The following ULK4 variants were observed in gnomAD, a reference collection of about 807,000 sequenced individuals.
ULK4 encodes the protein unc-51 like kinase 4, also known as inactive serine/threonine-protein kinase ULK4.
In ULK4, 133 loss-of-function variants were observed where a neutral mutation model predicts 160.6. That is an observed-to-expected ratio of 0.83 (90% confidence interval 0.72 to 0.96). ULK4 has a LOEUF of 0.96. ULK4 is among the 40% of genes least tolerant of loss of function. ULK4 has a pLI of 0.00. For synonymous variants in ULK4, 534 were observed against 539.8 expected (o/e 0.99, Z 0.15); for missense variants, 1,580 against 1,499.5 (o/e 1.05, Z -0.89).
intron 34 of ULK4, among the ~76,000 whole-genome samples, chr3:41,441,899 C>T (rs1243407988): frequency 1.3e-5 from 2 of 152,110 alleles, no homozygotes; most frequent in East Asian, 1.9e-4. Context: ...GATTGACTAT[C>T]GTATCATTAG....
chr3:41,557,503 T>C (rs936654678), intron 32 of ULK4, among the ~76,000 whole-genome samples: 1 of 151,908 alleles, frequency 6.6e-6, no homozygotes, highest in Admixed American at 6.6e-5. Flanking sequence ...GGCTCACACC[T>C]GTAATACCAA....
intron 34 of ULK4, among the ~76,000 whole-genome samples, chr3:41,414,675 C>T (rs1167782617): frequency 2.0e-5 from 3 of 152,152 alleles, no homozygotes; most frequent in African/African-American, 7.2e-5. Flanking sequence ...CAAAAGATTT[C>T]CCATTAGGCC....
chr3:41,387,407 T>C (rs577354019), intron 35 of ULK4, among the ~76,000 whole-genome samples: 45 of 152,258 alleles, frequency 3.0e-4, no homozygotes, highest in South Asian at 1.0e-3. Context: ...AGTTTTAGGG[T>C]ACATGTGCAC....
intron 35 of ULK4, among the ~76,000 whole-genome samples, chr3:41,291,362 AAAAGT>A (rs998387286): frequency 2.0e-5 from 2 of 100,180 alleles, no homozygotes; most frequent in East Asian, 5.8e-4. Flanking sequence ...AAGAGAAAGA[AAAAGT>A]AAAGAAGAAA....
chr3:41,253,718 C>A (rs1485128274), intron 35 of ULK4, among the ~76,000 whole-genome samples: 1 of 152,082 alleles, frequency 6.6e-6, no homozygotes, highest in Non-Finnish European at 1.5e-5. Flanking sequence ...AGTAAGAAAT[C>A]TCCTGAATGA....
chr3:41,930,410 A>G (rs1000473390), intron 5 of ULK4, among the ~76,000 whole-genome samples: 3 of 152,224 alleles, frequency 2.0e-5, no homozygotes, highest in Admixed American at 2.0e-4. Context: ...AGGCAATACC[A>G]TTCAGGATAT....
intron 17 of ULK4, among the ~76,000 whole-genome samples, chr3:41,872,135 C>T (rs1391977593): frequency 5.9e-5 from 9 of 152,192 alleles, no homozygotes; most frequent in Non-Finnish European, 1.2e-4. Context: ...GTACAGGACG[C>T]TCAGTCCTAA....
rs1000002155 is a variant in ULK4, at chr3:41,790,951, C to T, written c.2011-1108G>A. Among the ~76,000 whole-genome samples, 51 of 152,058 alleles carry T rather than the reference C, an allele frequency of 3.4e-4. 2 individuals are homozygous for T. The highest frequency in any genetic ancestry group is 5.9e-5 in the Non-Finnish European group (4 of 68,002). On this transcript the variant is annotated intron_variant, in intron 20 of 36. Transcript: ENST00000301831. ...TACTCATTATAATATCATATAAGCT[C>T]CTTCTCCCTGATTTATATTTTAAAC...
At position 41,340,985 on chromosome 3, in the gene ULK4, G is replaced by A. The variant is rs550692443; in HGVS notation, c.3678+57094C>T. Among the ~76,000 whole-genome samples, 77 of 152,274 alleles carry A rather than the reference G, an allele frequency of 5.1e-4. No homozygotes were observed. In the South Asian group the frequency reaches 0.016, roughly 31 times the overall value. ...AGGAGACGAACATATGTACAAACAG[G>A]ATATCTGAGGATGGGGGTAAGAGAA... is the stretch of plus-strand genomic sequence containing the variant. On this transcript the variant is annotated intron_variant, in intron 35 of 36. Transcript: ENST00000301831.
At chr3:41,428,055 G>A (rs779485069) in intron 34 of ULK4, among the ~76,000 whole-genome samples, 1 of 152,116 alleles carries the variant, frequency 6.6e-6, no homozygotes, top group African/African-American at 2.4e-5. Flanking sequence ...AAGCTGATAA[G>A]CAACTTCAGC....
intron 32 of ULK4, among the ~76,000 whole-genome samples, chr3:41,494,369 A>G (rs1172074142): frequency 7.5e-6 from 1 of 133,520 alleles, no homozygotes; most frequent in East Asian, 2.0e-4. Flanking sequence ...GCCTTTGACA[A>G]AATTCAACAG....
chr3:41,735,687 TTTATTATTA>T (rs10652302), intron 22 of ULK4, among the ~76,000 whole-genome samples: 1 of 144,494 alleles, frequency 6.9e-6, no homozygotes, highest in Non-Finnish European at 1.5e-5. Flanking sequence ...CTAAGTCCAT[TTTATTATTA>T]TTATTATTAT....
rs115940571 is a variant in ULK4, at chr3:41,834,482, T to C, written c.1764+1382A>G. On this transcript the variant is annotated intron_variant, in intron 18 of 36. Coordinates refer to ENST00000301831, the MANE Select transcript of ULK4 (RefSeq NM_017886.4). Reference sequence around the variant, plus strand: ...TTTTAAAAACAGATGATTTGCAGAATTGGACAAGCTGATTCTAAAATTTAT... The same window carrying C: ...TTTTAAAAACAGATGATTTGCAGAACTGGACAAGCTGATTCTAAAATTTAT... 2.6e-3 allele frequency among the ~76,000 whole-genome samples: 395 copies of C among 152,302 alleles called. 2 individuals are homozygous for C. The highest frequency in any genetic ancestry group is 8.5e-3 in the African/African-American group (352 of 41,568).
chr3:41,762,569 TAG>T (rs1205634147), intron 21 of ULK4, among the ~76,000 whole-genome samples: 1 of 151,638 alleles, frequency 6.6e-6, no homozygotes, highest in Non-Finnish European at 1.5e-5. Flanking sequence ...TCAGGAAACT[TAG>T]AGTCATGGTA....
chr3:41,611,133 C>G (rs2032654936), intron 31 of ULK4, among the ~76,000 whole-genome samples: 1 of 152,210 alleles, frequency 6.6e-6, no homozygotes, highest in South Asian at 2.1e-4. Context: ...CAGGAACCCG[C>G]ATTTATTAAA....
intron 35 of ULK4, among the ~76,000 whole-genome samples, chr3:41,388,030 C>A (rs1296741522): frequency 6.6e-6 from 1 of 152,182 alleles, no homozygotes; most frequent in Admixed American, 6.5e-5. Flanking sequence ...TCCTCTCCAG[C>A]ACCTGTTGTT....
At chr3:41,314,490 T>C (rs1031630799) in intron 35 of ULK4, among the ~76,000 whole-genome samples, 1 of 152,212 alleles carries the variant, frequency 6.6e-6, no homozygotes, top group Non-Finnish European at 1.5e-5. Context: ...CTTAGTATAG[T>C]GTAGGCTACT....
intron 32 of ULK4, among the ~76,000 whole-genome samples, chr3:41,536,960 G>A (rs1042130501): frequency 6.6e-5 from 10 of 152,152 alleles, no homozygotes; most frequent in Admixed American, 5.9e-4. Flanking sequence ...ATAAATCCAT[G>A]TTGTAAAAGC....
chr3:41,545,608 T>C (rs537888714), intron 32 of ULK4, among the ~76,000 whole-genome samples: 22 of 152,322 alleles, frequency 1.4e-4, no homozygotes, highest in African/African-American at 5.3e-4. Context: ...AGGTGAATTT[T>C]GCTTGCTTTT....
Sources: allele counts gnomAD v4.1 joint callset (sites outside exome capture counted in the v4.1 genomes callset), GRCh38; gene constraint gnomAD v4.1.1; transcripts MANE v1.5; gene names NCBI Gene and HGNC (gene_info 2026-07-23, HGNC 2026-07-21).